RAB11FIP3: variants seen among roughly 807,000 people sequenced by gnomAD.
RAB11FIP3 encodes the protein rab11 family-interacting protein 3.
Under a neutral mutation model 77.8 loss-of-function variants are expected in RAB11FIP3, and 17 were observed. That is an observed-to-expected ratio of 0.22 (90% CI 0.15 to 0.33). RAB11FIP3 has a LOEUF of 0.33. Among genes scored for constraint, RAB11FIP3 ranks in the 10% least tolerant of loss-of-function variants. RAB11FIP3 has a pLI of 1.00. For synonymous variants in RAB11FIP3, 437 were observed against 448.2 expected (o/e 0.98, Z 0.31); for missense variants, 1,005 against 1,011.2 (o/e 0.99, Z 0.08).
chr16:450,975 A>G (rs1232687409), intron 1 of RAB11FIP3, among the ~76,000 whole-genome samples: 2 of 152,006 alleles, frequency 1.3e-5, no homozygotes, highest in South Asian at 2.1e-4. Context: ...TCTGCCTGCC[A>G]TCGTTGAATG....
chr16:469,159 G>A (rs1476538908), intron 2 of RAB11FIP3, among the ~76,000 whole-genome samples: 5 of 151,826 alleles, frequency 3.3e-5, no homozygotes, highest in South Asian at 2.1e-4. Context: ...TCTGCCTCCC[G>A]GGTCCCGGTT....
At chr16:488,674 GC>G (rs1321223199) in intron 4 of RAB11FIP3, among the ~76,000 whole-genome samples, 176 bp from the exon 5 acceptor site, 1 of 151,222 alleles carries the variant, frequency 6.6e-6, no homozygotes, top group African/African-American at 2.4e-5. Flanking sequence ...CTCCCAAAGT[GC>G]TGGGATTACA....
At chr16:509,860 G>A (rs757451969) in intron 8 of RAB11FIP3, among the ~76,000 whole-genome samples, 7 of 152,170 alleles carry the variant, frequency 4.6e-5, no homozygotes, top group Admixed American at 6.5e-5. Flanking sequence ...AGGAAGCCTC[G>A]TGAGCACCTT....
At position 492,359 on chromosome 16, in the gene RAB11FIP3, G is replaced by GGGGGACCCGAGGCCGCCCAGAGCCC. The variant is rs199613861; in HGVS notation, c.1265+3359_1265+3360insGGGGACCCGAGGCCGCCCAGAGCCC. Among the ~76,000 whole-genome samples the GGGGGACCCGAGGCCGCCCAGAGCCC allele has an allele frequency of 7.2e-5, 3 of 41,868 alleles. No homozygotes were observed. In the East Asian group the frequency reaches 3.3e-3, roughly 45 times the overall value. The allele number at this position is 41,868 out of a possible 152,430, so 27.5% of individuals were successfully genotyped here. ...AAAGCAGAAGTGCTCTTTGAAGAGG[G>GGGGGACCCGAGGCCGCCCAGAGCCC]TCTTCCCGGGAGACCCGAGGCCGCC... On this transcript the variant is annotated intron_variant, in intron 5 of 13. Coordinates refer to ENST00000262305, the MANE Select transcript of RAB11FIP3 (RefSeq NM_014700.4).
At chr16:517,095 C>A (rs1159988935) in intron 9 of RAB11FIP3, among the ~76,000 whole-genome samples, 1 of 152,190 alleles carries the variant, frequency 6.6e-6, no homozygotes, top group African/African-American at 2.4e-5. Flanking sequence ...ACGGGAAGGG[C>A]CCCGCACCTC....
At chr16:442,405 T>C (rs1227038984) in intron 1 of RAB11FIP3, among the ~76,000 whole-genome samples, 1 of 152,228 alleles carries the variant, frequency 6.6e-6, no homozygotes, top group East Asian at 1.9e-4. Context: ...TGAGGTCTTT[T>C]GTTTCATTCT....
At chr16:446,793 C>G (rs2055324316) in intron 1 of RAB11FIP3, among the ~76,000 whole-genome samples, 1 of 152,000 alleles carries the variant, frequency 6.6e-6, no homozygotes. Context: ...CCTCCTAGTC[C>G]TGGTTCACGC....
intron 1 of RAB11FIP3, among the ~76,000 whole-genome samples, chr16:437,720 C>A (rs567121200): frequency 6.6e-6 from 1 of 152,070 alleles, no homozygotes; most frequent in Non-Finnish European, 1.5e-5. Flanking sequence ...GCCACGAGCG[C>A]GCAAGACTGT....
At chr16:441,733 TC>T (rs2055230307) in intron 1 of RAB11FIP3, among the ~76,000 whole-genome samples, 1 of 152,194 alleles carries the variant, frequency 6.6e-6, no homozygotes, top group Non-Finnish European at 1.5e-5. Flanking sequence ...CAGGCACCCT[TC>T]CTTCTGTGAC....
rs942312818 is a variant in RAB11FIP3 at position 472,422 on chromosome 16, A to G, written c.903+1033A>G. ...GGTGTGCTCTTTCTGCACGTGAGGC[A>G]GCAGTGAGGTGCTGGCTAAGAGGGC... On this transcript the variant is annotated intron_variant, in intron 3 of 13. Transcript: ENST00000262305. This position sits in a 1 kb window ranked among gnomAD's most constrained non-coding sequence, Gnocchi z 4.1. 6.6e-6 allele frequency among the ~76,000 whole-genome samples: 1 copy of G among 152,190 alleles called. No homozygotes were observed. Among genetic ancestry groups the G allele is most frequent in the Non-Finnish European group, 1.5e-5 (1 of 68,018 alleles).
chr16:508,324 T>C (rs2031973619), intron 8 of RAB11FIP3, among the ~76,000 whole-genome samples: 1 of 152,224 alleles, frequency 6.6e-6, no homozygotes, highest in Non-Finnish European at 1.5e-5. Context: ...GGATCTTGTA[T>C]TATTTGCCGT....
At chr16:448,525 A>G (rs1277193417) in intron 1 of RAB11FIP3, among the ~76,000 whole-genome samples, 2 of 151,710 alleles carry the variant, frequency 1.3e-5, no homozygotes, top group African/African-American at 2.4e-5. Flanking sequence ...TCACGAGGTC[A>G]GGAGATCGAG....
At chr16:450,919 C>G (rs2055397699) in intron 1 of RAB11FIP3, among the ~76,000 whole-genome samples, 1 of 147,600 alleles carries the variant, frequency 6.8e-6, no homozygotes, top group Non-Finnish European at 1.5e-5. Context: ...AGGGACCAGA[C>G]CTGAAGTGCA....
chr16:447,265 A>G (rs1172063605), intron 1 of RAB11FIP3, among the ~76,000 whole-genome samples: 1 of 152,094 alleles, frequency 6.6e-6, no homozygotes, highest in African/African-American at 2.4e-5. Flanking sequence ...TGATTGTGCC[A>G]GTGCACTCTA....
intron 1 of RAB11FIP3, among the ~76,000 whole-genome samples, chr16:431,124 T>C (rs1162370245): frequency 6.6e-6 from 1 of 152,038 alleles, no homozygotes; most frequent in Admixed American, 6.6e-5. Context: ...GTGTGTGTAA[T>C]ATGTGTGTGC....
At chr16:452,596 G>A (rs1210461759) in intron 1 of RAB11FIP3, among the ~76,000 whole-genome samples, 10 of 144,710 alleles carry the variant, frequency 6.9e-5, no homozygotes, top group South Asian at 2.3e-4. Flanking sequence ...CACCACGCCC[G>A]GCTAATTTTT....
chr16:510,316 G>A (rs987623690), intron 8 of RAB11FIP3: 1 of 262,068 alleles, frequency 3.8e-6, no homozygotes, highest in East Asian at 8.9e-5. Flanking sequence ...GCAGCTGCAT[G>A]AACACAGAGT....
At chr16:479,440 T>C (rs2055988654) in intron 3 of RAB11FIP3, among the ~76,000 whole-genome samples, 1 of 152,042 alleles carries the variant, frequency 6.6e-6, no homozygotes, top group Non-Finnish European at 1.5e-5. Context: ...TTGCGATGGC[T>C]CACACCTGTA....
In RAB11FIP3 at chr16:461,166, C is replaced by T. The variant is rs905763760; in HGVS notation, c.715-238C>T. Among the ~76,000 whole-genome samples the T allele has an allele frequency of 6.6e-5, 10 of 152,148 alleles. No homozygotes were observed. Among genetic ancestry groups the T allele is most frequent in the Admixed American group, 2.0e-4 (3 of 15,272 alleles). On this transcript the variant is annotated intron_variant, in intron 1 of 13. Coordinates refer to ENST00000262305, the MANE Select transcript of RAB11FIP3 (RefSeq NM_014700.4). The surrounding 1 kb of genome is among the most constrained non-coding windows in gnomAD (Gnocchi z 4.5). ...CGGCGTTAGAGTCTCATAAGGAGCG[C>T]GCAACCTGGACCCCTCGCATGCGGA...
Sources: gnomAD v4.1 joint callset for allele counts (sites outside exome capture counted in the v4.1 genomes callset) on GRCh38, gnomAD v4.1.1 for gene constraint, Gnocchi (gnomAD v3.1) non-coding constraint, MANE v1.5 for transcripts, NCBI Gene and HGNC (gene_info 2026-07-23, HGNC 2026-07-21) for gene names.